REDIC1: variants seen among roughly 807,000 people sequenced by gnomAD.
REDIC1 encodes regulator of DNA class I crossover intermediates 1, also known as HEI10 Interacting Protein 1.
At chr12:39,823,807 G>A in the REDIC1 span, among the ~76,000 whole-genome samples, 1 of 152,100 alleles carries the variant, frequency 6.6e-6, no homozygotes, top group African/African-American at 2.4e-5. Flanking sequence ...CAATATTTTT[G>A]CAGTGATATA....
chr12:39,684,480 A>T, the REDIC1 span, among the ~76,000 whole-genome samples: 12 of 152,246 alleles, frequency 7.9e-5, no homozygotes, highest in Admixed American at 3.3e-4. Flanking sequence ...CTACAAATTA[A>T]TTAAAACATA....
the REDIC1 span, chr12:39,721,952 A>G: frequency 1.3e-5 from 2 of 152,128 alleles, no homozygotes; most frequent in African/African-American, 4.8e-5. Flanking sequence ...AAATATTATA[A>G]CAAGATTTCC....
chr12:39,890,289 T>C, the REDIC1 span, among the ~76,000 whole-genome samples: 4 of 152,304 alleles, frequency 2.6e-5, no homozygotes, highest in Non-Finnish European at 4.4e-5. Context: ...CATTAGAGCA[T>C]CATTATTATT....
At chr12:39,706,980 C>T in the REDIC1 span, among the ~76,000 whole-genome samples, 7 of 151,730 alleles carry the variant, frequency 4.6e-5, no homozygotes, top group South Asian at 1.5e-3. Context: ...GCATAGGGAA[C>T]CAAAGCAAAA....
the REDIC1 span, among the ~76,000 whole-genome samples, chr12:39,810,434 C>T: frequency 6.6e-6 from 1 of 152,106 alleles, no homozygotes; most frequent in Non-Finnish European, 1.5e-5. Flanking sequence ...ATAATGCCAT[C>T]TGAAAATAGA....
chr12:39,715,931 C>A, the REDIC1 span, among the ~76,000 whole-genome samples: 1 of 151,894 alleles, frequency 6.6e-6, no homozygotes, highest in African/African-American at 2.4e-5. Context: ...GAGAAACCTG[C>A]TTTTCGGGGG....
chr12:39,829,392 C>CTTTTTTTTTTTTTTTTT, the REDIC1 span: 28 of 65,798 alleles, frequency 4.3e-4, 4 homozygotes, highest in African/African-American at 6.3e-4. Flanking sequence ...GATAGTAATT[C>CTTTTTTTTTTTTTTTTT]TTTTTTTTTT....
the REDIC1 span, among the ~76,000 whole-genome samples, chr12:39,745,195 T>C: frequency 1.3e-5 from 2 of 152,228 alleles, no homozygotes; most frequent in East Asian, 3.8e-4. Flanking sequence ...AATTATACTC[T>C]CAGTTTTTAT....
the REDIC1 span, among the ~76,000 whole-genome samples, chr12:39,693,475 C>T: frequency 1.1e-4 from 17 of 150,782 alleles, no homozygotes; most frequent in South Asian, 3.6e-3. Flanking sequence ...AAAAATAAAT[C>T]CTAAAAATAT....
chr12:39,691,178 G>T, the REDIC1 span, among the ~76,000 whole-genome samples: 4 of 152,064 alleles, frequency 2.6e-5, no homozygotes, highest in Admixed American at 2.6e-4. Context: ...AGTAGTTTAC[G>T]TTACTTCTGC....
At chr12:39,851,257 A>G in the REDIC1 span, among the ~76,000 whole-genome samples, 1 of 152,168 alleles carries the variant, frequency 6.6e-6, no homozygotes, top group Non-Finnish European at 1.5e-5. Flanking sequence ...ATTTGTTTCC[A>G]AAATGGACAA....
the REDIC1 span, among the ~76,000 whole-genome samples, chr12:39,740,327 T>C: frequency 1.3e-5 from 2 of 152,072 alleles, no homozygotes; most frequent in East Asian, 3.8e-4. Flanking sequence ...ATATGGCATA[T>C]GTATTTTTTC....
At chr12:39,737,634 A>G in the REDIC1 span, among the ~76,000 whole-genome samples, 1 of 152,208 alleles carries the variant, frequency 6.6e-6, no homozygotes, top group African/African-American at 2.4e-5. Flanking sequence ...AGTTGAATAA[A>G]TTAATAAAGT....
the REDIC1 span, among the ~76,000 whole-genome samples, chr12:39,858,162 A>G: frequency 2.0e-5 from 3 of 152,242 alleles, no homozygotes; most frequent in African/African-American, 7.2e-5. Context: ...CAGGTGTCAA[A>G]TTCAGCACAC....
At chr12:39,898,065 G>A in the REDIC1 span, among the ~76,000 whole-genome samples, 2 of 152,034 alleles carry the variant, frequency 1.3e-5, no homozygotes, top group Non-Finnish European at 2.9e-5. Flanking sequence ...TATTGAGGAG[G>A]CTTTAGCAAA....
the REDIC1 span, among the ~76,000 whole-genome samples, chr12:39,772,067 C>T: frequency 6.6e-6 from 1 of 152,080 alleles, no homozygotes; most frequent in Admixed American, 6.6e-5. Context: ...CCTCTCAACT[C>T]CTTTTCACTT....
chr12:39,714,385 A>T, the REDIC1 span, among the ~76,000 whole-genome samples: 15 of 54,124 alleles, frequency 2.8e-4, no homozygotes, highest in African/African-American at 6.7e-4. Context: ...GTATATGTGT[A>T]TATGTATATA....
chr12:39,681,264 C>T, the REDIC1 span, among the ~76,000 whole-genome samples: 1 of 152,128 alleles, frequency 6.6e-6, no homozygotes, highest in South Asian at 2.1e-4. Flanking sequence ...AAGAGCAAAA[C>T]TCCATCTCCC....
chr12:39,859,333 GAA>G, the REDIC1 span, among the ~76,000 whole-genome samples: 23,841 of 60,686 alleles, frequency 0.39, 3,682 homozygotes, highest in East Asian at 0.45. Flanking sequence ...TTTTTTTTCT[GAA>G]AAAAAAAAAA....
Sources: gnomAD v4.1 joint callset for allele counts (sites outside exome capture counted in the v4.1 genomes callset) on GRCh38, gnomAD v4.1.1 for gene constraint, MANE v1.5 for transcripts, NCBI Gene and HGNC (gene_info 2026-07-23, HGNC 2026-07-21) for gene names.